PROSER2: variants seen among roughly 807,000 people sequenced by gnomAD.
PROSER2 encodes proline and serine rich 2, also known as proline and serine-rich protein 2.
In PROSER2, 18 loss-of-function variants were observed where a neutral mutation model predicts 14.6. That is an observed-to-expected ratio of 1.23 (90% CI 0.85 to 1.83). The LOEUF (loss-of-function observed/expected upper bound fraction) is 1.83. PROSER2 is among the 40% of genes most tolerant of loss of function. The pLI, the probability that PROSER2 is intolerant of heterozygous loss-of-function variation, is 0.00. For missense variants in PROSER2, 823 were observed against 629.8 expected (o/e 1.31, Z -3.28); for synonymous variants, 367 against 286.4 (o/e 1.28, Z -2.84).
At chr10:11,845,045 G>A (rs1005699713) in intron 1 of PROSER2, among the ~76,000 whole-genome samples, 1 of 152,284 alleles carries the variant, frequency 6.6e-6, no homozygotes, top group East Asian at 1.9e-4. Context: ...ATCCTACAGT[G>A]AATAACATTA....
Position 11,869,987 on chromosome 10 carries a change from C to T in PROSER2, c.889C>T (p.Pro297Ser). Reference protein sequence around the residue: ...ATIHGHAGAFPAAGDAGEGAP... With the variant: ...ATIHGHAGAFSAAGDAGEGAP... Reference sequence around the variant, plus strand: ...CATCCACGGCCACGCCGGCGCCTTCCCCGCCGCGGGGGACGCCGGCGAGGG... The same window carrying T: ...CATCCACGGCCACGCCGGCGCCTTCTCCGCCGCGGGGGACGCCGGCGAGGG... Residue 297 changes from proline to serine, a missense_variant, in exon 4 of 4, where the codon CCC becomes TCC. Coordinates refer to ENST00000277570, the MANE Select transcript of PROSER2 (RefSeq NM_153256.4). This position sits in a 1 kb window ranked among gnomAD's most constrained non-coding sequence, Gnocchi z 4.4. The T allele has an allele frequency of 7.8e-6, 10 of 1,284,240 alleles. No individual in the cohort carries two copies. The highest frequency in any genetic ancestry group is 9.8e-6 in the Non-Finnish European group (10 of 1,018,930). The allele number at this position is 1,284,240 out of a possible 1,614,324, so 79.6% of individuals were successfully genotyped here. A position where few individuals can be genotyped will look rare whatever the true frequency, so the allele number is the denominator to read the frequency against.
At chr10:11,828,426 G>A (rs1833644657) in intron 1 of PROSER2, among the ~76,000 whole-genome samples, 1 of 152,138 alleles carries the variant, frequency 6.6e-6, no homozygotes, top group East Asian at 1.9e-4. Context: ...TTTTGGCTGG[G>A]CACAGTGGCT....
chr10:11,849,656 T>G (rs1249499666), intron 1 of PROSER2: 1 of 152,284 alleles, frequency 6.6e-6, no homozygotes, highest in Admixed American at 6.5e-5. Context: ...TGGGTTAAAA[T>G]TGACTGCTTT....
intron 1 of PROSER2, among the ~76,000 whole-genome samples, chr10:11,826,681 C>A (rs1173413146): frequency 6.6e-6 from 1 of 151,838 alleles, no homozygotes; most frequent in Non-Finnish European, 1.5e-5. Flanking sequence ...GTGTTCACAC[C>A]ATTCTCCTGC....
Position 11,870,312 on chromosome 10 carries a change from A to G in PROSER2, c.1214A>G (p.Gln405Arg). The change falls in exon 4 of 4, where the codon CAG becomes CGG. Residue 405 changes from glutamine to arginine, a missense_variant. By Grantham distance (43) the Gln-to-Arg change is conservative. Coordinates refer to ENST00000277570, the MANE Select transcript of PROSER2 (RefSeq NM_153256.4). ...CGCGCAGACTCCCTGCCCCGGCCCC[A>G]GGGCATCACCGTGCAGTTCGCGGGC... ...WRRADSLPRP[Q>R]GITVQFAGRG... 1 of 1,494,608 alleles carries G rather than the reference A, an allele frequency of 6.7e-7. No homozygotes were observed. Among genetic ancestry groups the G allele is most frequent in the Admixed American group, 2.3e-5 (1 of 43,672 alleles). The allele number at this position is 1,494,608 out of a possible 1,614,324, so 92.6% of individuals were successfully genotyped here.
chr10:11,852,306 T>C, intron 2 of PROSER2, 91 bp downstream of exon 2: 1 of 1,364,718 alleles, frequency 7.3e-7, no homozygotes, highest in Non-Finnish European at 9.9e-7. Flanking sequence ...TTTTACCAGA[T>C]CTTTTTGGGT....
chr10:11,852,684 A>ATTTTTTTT (rs33939695), intron 2 of PROSER2, among the ~76,000 whole-genome samples: 6 of 98,018 alleles, frequency 6.1e-5, no homozygotes, highest in African/African-American at 8.2e-5. Flanking sequence ...ACACCCGGCT[A>ATTTTTTTT]TTTTTTTTTT....
At position 11,859,008 on chromosome 10, in the gene PROSER2, CAA is replaced by C. The variant is rs750181845; in HGVS notation, c.138+6816_138+6817del. 8.6e-3 allele frequency among the ~76,000 whole-genome samples: 522 copies of C among 61,036 alleles called. 3 individuals are homozygous for C. Among genetic ancestry groups the C allele is most frequent in the Middle Eastern group, 0.016 (2 of 126 alleles). 40.0% of individuals were successfully genotyped at this position (61,036 alleles called of 152,430 possible). On this transcript the variant is annotated intron_variant, in intron 2 of 3. Transcript: ENST00000277570. ...TGGGCAACAAAGCGAGACTCTGTCT[CAA>C]AAAAAAAAAAAAAAAAAAAAAAGGA...
Position 11,870,322 on chromosome 10 carries a change from C to A in PROSER2, c.1224C>A (p.Thr408=). The A allele has an allele frequency of 6.7e-7, 1 of 1,502,220 alleles. No individual in the cohort carries two copies. Among genetic ancestry groups the A allele is most frequent in the African/African-American group, 1.4e-5 (1 of 69,002 alleles). 93.1% of individuals were successfully genotyped at this position (1,502,220 alleles called of 1,614,324 possible). A position where few individuals can be genotyped will look rare whatever the true frequency, so the allele number is the denominator to read the frequency against. ...CCCTGCCCCGGCCCCAGGGCATCAC[C>A]GTGCAGTTCGCGGGCCGCGGCTCCT... ...ADSLPRPQGI[T]VQFAGRGSSE... is the part of the protein sequence containing the mutation. Residue 408 remains threonine, a synonymous_variant, in exon 4 of 4, where the codon ACC becomes ACA. Coordinates refer to ENST00000277570, the MANE Select transcript of PROSER2 (RefSeq NM_153256.4).
intron 2 of PROSER2, among the ~76,000 whole-genome samples, chr10:11,852,729 G>C (rs1293959993): frequency 9.1e-5 from 12 of 131,558 alleles, no homozygotes; most frequent in Non-Finnish European, 1.5e-4. Flanking sequence ...GTAGAGACAG[G>C]GTTTCACCAT....
intron 1 of PROSER2, among the ~76,000 whole-genome samples, chr10:11,833,995 T>C (rs1208955237): frequency 7.6e-6 from 1 of 132,344 alleles, no homozygotes; most frequent in Non-Finnish European, 1.6e-5. Context: ...TTTTTTTTTT[T>C]TTTTTTTTTT....
At chr10:11,860,665 G>T (rs549441551) in intron 2 of PROSER2, among the ~76,000 whole-genome samples, 5 of 152,026 alleles carry the variant, frequency 3.3e-5, no homozygotes, top group Non-Finnish European at 7.4e-5. Flanking sequence ...ATAATAAGAA[G>T]AGGAAGAAAG....
chr10:11,831,087 A>G (rs971527115), intron 1 of PROSER2, among the ~76,000 whole-genome samples: 9 of 152,172 alleles, frequency 5.9e-5, no homozygotes, highest in Non-Finnish European at 1.2e-4. Context: ...TCAACTTGAG[A>G]TAAGATATGT....
At chr10:11,850,531 C>T (rs1373915567) in intron 1 of PROSER2, 4 of 152,394 alleles carry the variant, frequency 2.6e-5, no homozygotes, top group African/African-American at 7.2e-5. Flanking sequence ...GGCTCCACAA[C>T]CCACCAGCTC....
At chr10:11,847,302 G>T (rs1833937084) in intron 1 of PROSER2, among the ~76,000 whole-genome samples, 1 of 151,964 alleles carries the variant, frequency 6.6e-6, no homozygotes, top group Non-Finnish European at 1.5e-5. Flanking sequence ...TTCCAGGATT[G>T]CTGTTCCCAG....
rs1833773609 is a variant in PROSER2, at chr10:11,837,184, A to T, written c.-82+13714A>T. 6.6e-6 allele frequency among the ~76,000 whole-genome samples: 1 copy of T among 152,226 alleles called. No individual in the cohort carries two copies. The highest frequency in any genetic ancestry group is 1.5e-5 in the Non-Finnish European group (1 of 68,042). Reference sequence around the variant, plus strand: ...GCTACCAAGTGCTTCCTTTAAGTGAAAAGATGTGAAAGTTCTGAACTTGGA... The same window carrying T: ...GCTACCAAGTGCTTCCTTTAAGTGATAAGATGTGAAAGTTCTGAACTTGGA... On this transcript the variant is annotated intron_variant, in intron 1 of 3. Coordinates refer to ENST00000277570, the MANE Select transcript of PROSER2 (RefSeq NM_153256.4). The surrounding 1 kb of genome is among the most constrained non-coding windows in gnomAD (Gnocchi z 4.6).
In PROSER2 at chr10:11,870,995, A is replaced by T. The variant is rs899036483; in HGVS notation, c.*589A>T. The T allele has an allele frequency of 3.9e-5, 6 of 152,300 alleles. No homozygotes were observed. Among genetic ancestry groups the T allele is most frequent in the African/African-American group, 1.4e-4 (6 of 41,456 alleles). The allele number at this position is 152,300 out of a possible 1,614,324, so 9.4% of individuals were successfully genotyped here. A position where few individuals can be genotyped will look rare whatever the true frequency, so the allele number is the denominator to read the frequency against. ...TTGTTTTTTACTGAAAACTGAAATG[A>T]AACCTTTAGATATTGAGTTTTGGGA... On this transcript the variant is annotated 3_prime_UTR_variant, in exon 4 of 4. Coordinates refer to ENST00000277570, the MANE Select transcript of PROSER2 (RefSeq NM_153256.4).
Position 11,841,279 on chromosome 10 carries a change from A to G in PROSER2, c.-81-10718A>G, listed in dbSNP as rs1378433486. 2.6e-5 allele frequency among the ~76,000 whole-genome samples: 4 copies of G among 152,094 alleles called. No individual in the cohort carries two copies. The South Asian group carries it at 8.3e-4, about 32-fold the overall frequency. On this transcript the variant is annotated intron_variant, in intron 1 of 3. Coordinates refer to ENST00000277570, the MANE Select transcript of PROSER2 (RefSeq NM_153256.4). ...GTTCATAAAAACCTTTTCAACACCC[A>G]TGGCACCTACAGTTATGTCCCCACT...
At chr10:11,863,336 G>C (rs1041239363) in intron 2 of PROSER2, among the ~76,000 whole-genome samples, 1 of 152,102 alleles carries the variant, frequency 6.6e-6, no homozygotes, top group African/African-American at 2.4e-5. Flanking sequence ...GAAAGCATCA[G>C]ACTACACCAC....
Sources: gnomAD v4.1 joint callset for allele counts (sites outside exome capture counted in the v4.1 genomes callset) on GRCh38, gnomAD v4.1.1 for gene constraint, Gnocchi (gnomAD v3.1) non-coding constraint, MANE v1.5 for transcripts, NCBI Gene and HGNC (gene_info 2026-07-23, HGNC 2026-07-21) for gene names.